COPG2: variants seen among roughly 807,000 people sequenced by gnomAD.
COPG2 encodes coat protein complex I subunit gamma 2, also known as coatomer subunit gamma-2.
COPG2 carries 37 observed loss-of-function variants against 46.3 expected under a neutral mutation model. The ratio of observed to expected loss-of-function variants is 0.80; its 90% CI spans 0.61 to 1.05. The LOEUF (loss-of-function observed/expected upper bound fraction) is 1.05, where lower values mean the gene tolerates loss of function less well. Ranked by LOEUF, COPG2 falls within the 50% of genes least tolerant of loss-of-function variation. COPG2 has a pLI of 0.00. For missense variants in COPG2, 427 were observed against 387.8 expected (o/e 1.10, Z -0.85); for synonymous variants, 159 against 129.7 (o/e 1.23, Z -1.53).
intron 5 of COPG2, among the ~76,000 whole-genome samples, chr7:130,638,517 T>G (rs1795391339): frequency 6.6e-6 from 1 of 152,080 alleles, no homozygotes; most frequent in East Asian, 1.9e-4. Flanking sequence ...GCACCTTTGT[T>G]TATACTGTGA....
At position 130,667,632 on chromosome 7, in the gene COPG2, A is replaced by G. The variant is rs1205235729; in HGVS notation, c.38-98T>C. 2.1e-5 allele frequency: 18 copies of G among 871,060 alleles called. No homozygotes were observed. The Admixed American group carries it at 3.4e-4, about 17-fold the overall frequency. 54.0% of individuals were successfully genotyped at this position (871,060 alleles called of 1,614,324 possible). A position where few individuals can be genotyped will look rare whatever the true frequency, so the allele number is the denominator to read the frequency against. ...GGTACTGAATGCTTGGGAAGTGAACACTTGGATGGCACAGTGATAATCATG... is the reference window on the plus strand; with the variant it reads ...GGTACTGAATGCTTGGGAAGTGAACGCTTGGATGGCACAGTGATAATCATG... On this transcript the variant is annotated intron_variant, in intron 1 of 23. Transcript: ENST00000425248.
At chr7:130,587,081 C>A (rs147148975) in intron 9 of COPG2, among the ~76,000 whole-genome samples, 20,917 of 151,816 alleles carry the variant, frequency 0.14, 2,584 homozygotes, top group African/African-American at 0.32. Context: ...CGGAGGCAGG[C>A]AGATCGCCTG....
At chr7:130,603,721 C>CA (rs782190006) in intron 9 of COPG2, 33,055 of 197,740 alleles carry the variant, frequency 0.17, 963 homozygotes, top group East Asian at 0.21. Context: ...AACTCAGTCT[C>CA]AAAAAAAAAA....
Position 130,663,016 on chromosome 7 carries a change from TC to T in COPG2, c.193del (p.Glu65LysfsTer9). 1 of 1,546,570 alleles carries T rather than the reference TC, an allele frequency of 6.5e-7. No homozygotes were observed. Among genetic ancestry groups the T allele is most frequent in the Non-Finnish European group, 8.7e-7 (1 of 1,147,938 alleles). The stretch of plus-strand genomic sequence containing the variant: ...CATTGCAAAGAAGGCTTCTGTAGCT[TC>T]CGTTGTTCCAAAGTGTTCACCCTAA... ...LNQGEHFGTT[E>X]ATEAFFAMTR... On this transcript the variant is annotated frameshift_variant, in exon 4 of 24. Transcript: ENST00000425248. LOFTEE classifies it high-confidence loss of function.
chr7:130,579,494 A>G (rs531257073), intron 9 of COPG2, among the ~76,000 whole-genome samples: 134 of 151,310 alleles, frequency 8.9e-4, no homozygotes, highest in Non-Finnish European at 1.7e-3. Context: ...ATTCACACAT[A>G]ACAATATTAA....
intron 5 of COPG2, among the ~76,000 whole-genome samples, chr7:130,636,566 A>G (rs1224682085): frequency 6.6e-5 from 3 of 45,690 alleles, no homozygotes; most frequent in African/African-American, 2.6e-4. Flanking sequence ...TTTTGCTTTC[A>G]TTTGCTTGGT....
chr7:130,596,613 A>T (rs1365475742), intron 9 of COPG2, among the ~76,000 whole-genome samples: 4 of 152,172 alleles, frequency 2.6e-5, no homozygotes, highest in Non-Finnish European at 5.9e-5. Context: ...CCAAGGGAAC[A>T]TGGACAACTG....
intron 9 of COPG2, among the ~76,000 whole-genome samples, chr7:130,573,477 A>G (rs1793945981): frequency 6.6e-6 from 1 of 152,072 alleles, no homozygotes; most frequent in South Asian, 2.1e-4. Flanking sequence ...GTAATATGTA[A>G]AAAGAATTAT....
At chr7:130,653,051 T>C (rs1795778882) in intron 4 of COPG2, 103 bp from the exon 5 acceptor site, 5 of 728,372 alleles carry the variant, frequency 6.9e-6, no homozygotes, top group South Asian at 1.9e-5. Context: ...TAGAAAGATA[T>C]TCTTTAAAAG....
intron 5 of COPG2, among the ~76,000 whole-genome samples, chr7:130,626,333 C>T (rs1022349766): frequency 5.3e-5 from 8 of 152,034 alleles, no homozygotes; most frequent in Non-Finnish European, 7.4e-5. Flanking sequence ...CATGCCAGCC[C>T]CGAGACAACT....
chr7:130,642,676 C>T (rs2312789), intron 5 of COPG2, among the ~76,000 whole-genome samples: 64,403 of 152,054 alleles, frequency 0.42, 16,587 homozygotes, highest in East Asian at 0.59. Context: ...CAGTTTAGGG[C>T]TATCACAAAT....
chr7:130,524,574 A>C (rs994560227), intron 20 of COPG2, among the ~76,000 whole-genome samples: 23 of 152,084 alleles, frequency 1.5e-4, no homozygotes, highest in Non-Finnish European at 3.1e-4. Flanking sequence ...TGAGAGCAGG[A>C]GGGATGCGCT....
chr7:130,616,584 C>T (rs79224473), intron 6 of COPG2, among the ~76,000 whole-genome samples: 1,773 of 152,012 alleles, frequency 0.012, 23 homozygotes, highest in South Asian at 0.02. Flanking sequence ...CACGAGACTC[C>T]GACTCAAAAA....
intron 20 of COPG2, among the ~76,000 whole-genome samples, chr7:130,518,058 A>C (rs1403764995): frequency 6.6e-6 from 1 of 152,238 alleles, no homozygotes; most frequent in Non-Finnish European, 1.5e-5. Context: ...ATATACATAC[A>C]TTTATACAGC....
intron 5 of COPG2, among the ~76,000 whole-genome samples, chr7:130,637,073 G>A (rs1795352599): frequency 6.6e-6 from 1 of 152,080 alleles, no homozygotes; most frequent in African/African-American, 2.4e-5. Flanking sequence ...TGGCTTGTAG[G>A]GTTTCTGCAG....
intron 12 of COPG2, among the ~76,000 whole-genome samples, chr7:130,555,823 C>G (rs923857958): frequency 6.6e-6 from 1 of 152,064 alleles, no homozygotes; most frequent in Non-Finnish European, 1.5e-5. Context: ...GAGAGAGACT[C>G]TGTCTCAAAA....
chr7:130,507,152 G>A (rs557929766), intron 23 of COPG2, 122 bp downstream of exon 23: 12 of 688,198 alleles, frequency 1.7e-5, no homozygotes, highest in Non-Finnish European at 3.2e-5. Flanking sequence ...TTTTGACTGG[G>A]TATCAAATTG....
intron 5 of COPG2, among the ~76,000 whole-genome samples, chr7:130,628,271 G>C (rs1795156482): frequency 6.6e-6 from 1 of 151,852 alleles, no homozygotes; most frequent in Non-Finnish European, 1.5e-5. Context: ...GCCTGAGTTT[G>C]GGTTAACTGA....
At chr7:130,605,278 G>A (rs1204137969) in intron 9 of COPG2, 1 of 519,162 alleles carries the variant, frequency 1.9e-6, no homozygotes, top group African/African-American at 1.9e-5. Flanking sequence ...ATCTGATTCA[G>A]TTATTGCACT....
Sources: allele counts gnomAD v4.1 joint callset (sites outside exome capture counted in the v4.1 genomes callset), GRCh38; gene constraint gnomAD v4.1.1; transcripts MANE v1.5; gene names NCBI Gene and HGNC (gene_info 2026-07-23, HGNC 2026-07-21).